Variants in EML4 observed in about 807,000 individuals in gnomAD.
EML4 encodes the protein EMAP like 4.
A neutral mutation model predicts 129.0 loss-of-function variants in EML4; 72 were observed. The ratio of observed to expected loss-of-function variants is 0.56; its 90% confidence interval spans 0.46 to 0.68. EML4 has a LOEUF of 0.68. EML4 is among the 30% of genes least tolerant of loss of function. EML4 has a pLI of 0.00. For missense variants in EML4, 1,363 were observed against 1,190.6 expected, an observed-to-expected ratio of 1.14 and a Z score of -2.13; for synonymous variants, 532 against 405.0, an observed-to-expected ratio of 1.31 and a Z score of -3.77.
chr2:42,247,262 C>T (rs566856445), intron 2 of EML4, among the ~76,000 whole-genome samples: 1 of 152,030 alleles, frequency 6.6e-6, no homozygotes, highest in East Asian at 1.9e-4. Flanking sequence ...GAATATATAT[C>T]GAGATAATGA....
intron 17 of EML4, among the ~76,000 whole-genome samples, chr2:42,304,820 T>C (rs1668500356): frequency 6.6e-6 from 1 of 152,144 alleles, no homozygotes; most frequent in African/African-American, 2.4e-5. Flanking sequence ...TTAGCGTGTA[T>C]GGGACAGAAT....
chr2:42,268,728 GC>G (rs1558559325), intron 6 of EML4, among the ~76,000 whole-genome samples: 1 of 152,132 alleles, frequency 6.6e-6, no homozygotes, highest in East Asian at 1.9e-4. Context: ...GTGAGCCGCC[GC>G]ACCTGGCCTA....
intron 1 of EML4, among the ~76,000 whole-genome samples, chr2:42,241,942 A>T (rs767614191): frequency 1.3e-5 from 2 of 152,056 alleles, no homozygotes; most frequent in African/African-American, 4.8e-5. Flanking sequence ...TTAACTTTGT[A>T]TATGTTATGC....
chr2:42,229,181 G>C (rs1572585673), intron 1 of EML4, among the ~76,000 whole-genome samples: 2 of 152,052 alleles, frequency 1.3e-5, no homozygotes, highest in East Asian at 3.9e-4. Context: ...TATAGTAGTA[G>C]CTAACATTTA....
intron 6 of EML4, among the ~76,000 whole-genome samples, chr2:42,276,956 C>G (rs1004472761): frequency 6.6e-6 from 1 of 152,168 alleles, no homozygotes; most frequent in African/African-American, 2.4e-5. Context: ...AGAAGCACTA[C>G]ATCATGCCTT....
At chr2:42,180,873 AGTTCCTT>A (rs1670895550) in intron 1 of EML4, among the ~76,000 whole-genome samples, 2 of 152,234 alleles carry the variant, frequency 1.3e-5, no homozygotes, top group Non-Finnish European at 2.9e-5. Flanking sequence ...GATATGGAAC[AGTTCCTT>A]AGTCTTCCTT....
Position 42,256,446 on chromosome 2 carries a change from A to G in EML4, c.209-55A>G, listed in dbSNP as rs972998636. On this transcript the variant is annotated intron_variant, in intron 2 of 22. Transcript: ENST00000318522. ...AAATGGACTTAATTTTAAAATTTAG[A>G]TCTTTAAGGAATATATTCAAATTTG... The G allele has an allele frequency of 7.9e-6, 12 of 1,516,960 alleles. No individual in the cohort carries two copies. The African/African-American group carries it at 1.7e-4, about 22-fold the overall frequency. The allele number at this position is 1,516,960 out of a possible 1,614,324, so 94.0% of individuals were successfully genotyped here.
At chr2:42,299,702 T>G (rs1287735187) in intron 13 of EML4, among the ~76,000 whole-genome samples, 2 of 152,214 alleles carry the variant, frequency 1.3e-5, no homozygotes, top group African/African-American at 4.8e-5. Flanking sequence ...GTTTGTTTGT[T>G]TTTTGAGATG....
chr2:42,283,876 A>G (rs182623129), intron 8 of EML4, among the ~76,000 whole-genome samples: 23 of 152,382 alleles, frequency 1.5e-4, no homozygotes, highest in Admixed American at 7.8e-4. Flanking sequence ...CACTTTATGT[A>G]TTAATATGTA....
chr2:42,257,667 C>T (rs1676247392), intron 3 of EML4, among the ~76,000 whole-genome samples: 1 of 152,000 alleles, frequency 6.6e-6, no homozygotes, highest in Non-Finnish European at 1.5e-5. Flanking sequence ...AACCCCGTCT[C>T]TACTAAAAAA....
At chr2:42,257,904 T>A (rs553019608) in intron 3 of EML4, among the ~76,000 whole-genome samples, 1 of 152,182 alleles carries the variant, frequency 6.6e-6, no homozygotes, top group South Asian at 2.1e-4. Context: ...ATCTAGACTT[T>A]CCCCTACAAA....
intron 1 of EML4, among the ~76,000 whole-genome samples, chr2:42,218,672 A>T (rs1159545485): frequency 6.6e-6 from 1 of 152,174 alleles, no homozygotes; most frequent in Non-Finnish European, 1.5e-5. Flanking sequence ...AGCCTTTCCT[A>T]CTCGGTTCCT....
chr2:42,217,573 C>G (rs1467155641), intron 1 of EML4, among the ~76,000 whole-genome samples: 1 of 152,150 alleles, frequency 6.6e-6, no homozygotes, highest in East Asian at 1.9e-4. Flanking sequence ...ATAATGCAGA[C>G]TTAAACGTAG....
At chr2:42,326,881 CATAA>C (rs1012611379) in intron 21 of EML4, among the ~76,000 whole-genome samples, 26 of 152,238 alleles carry the variant, frequency 1.7e-4, no homozygotes, top group African/African-American at 5.8e-4. Context: ...GACTCCAGCT[CATAA>C]ATAAATAAAG....
chr2:42,207,314 T>C (rs6544516), intron 1 of EML4, among the ~76,000 whole-genome samples: 93,216 of 151,998 alleles, frequency 0.61, 29,100 homozygotes, highest in East Asian at 0.75. Context: ...AATATAATAC[T>C]AGATATAACT....
chr2:42,232,413 A>G (rs1310664001), intron 1 of EML4, among the ~76,000 whole-genome samples: 5 of 152,234 alleles, frequency 3.3e-5, no homozygotes, highest in African/African-American at 4.8e-5. Flanking sequence ...AAAGAAGAGT[A>G]TAGTTGACAC....
Position 42,169,689 on chromosome 2 carries a change from C to A in EML4, c.25+53C>A, listed in dbSNP as rs1242246819. On this transcript the variant is annotated intron_variant, in intron 1 of 22. Coordinates refer to ENST00000318522, the MANE Select transcript of EML4 (RefSeq NM_019063.5). ...TTCTGCGAAGGGTAGGAACTTTTTTCCTTCCGCACACAGCCCAGGCCCTGC... is the reference window on the plus strand; with the variant it reads ...TTCTGCGAAGGGTAGGAACTTTTTTACTTCCGCACACAGCCCAGGCCCTGC... 4 of 1,581,484 alleles carry A rather than the reference C, an allele frequency of 2.5e-6. No homozygotes were observed. In the African/African-American group the frequency reaches 4.1e-5, roughly 16 times the overall value.
chr2:42,231,961 T>A (rs919863731), intron 1 of EML4, among the ~76,000 whole-genome samples: 4 of 150,422 alleles, frequency 2.7e-5, no homozygotes, highest in Admixed American at 6.6e-5. Flanking sequence ...AAAAAAAAAA[T>A]TATTTATTTC....
At chr2:42,328,513 C>T (rs1197689716) in intron 21 of EML4, among the ~76,000 whole-genome samples, 1 of 152,122 alleles carries the variant, frequency 6.6e-6, no homozygotes, top group African/African-American at 2.4e-5. Context: ...GTTTTTGAAC[C>T]TTGTCTATAC....
Sources: allele counts gnomAD v4.1 joint callset (sites outside exome capture counted in the v4.1 genomes callset), GRCh38; gene constraint gnomAD v4.1.1; transcripts MANE v1.5; gene names NCBI Gene and HGNC (gene_info 2026-07-23, HGNC 2026-07-21).